Variants in NBAS observed in about 807,000 individuals in gnomAD.
NBAS encodes NBAS subunit of NRZ tethering complex.
NBAS carries 219 observed loss-of-function variants against 302.5 expected under a neutral mutation model. That is an observed-to-expected ratio of 0.72 (90% confidence interval 0.65 to 0.81). The LOEUF (loss-of-function observed/expected upper bound fraction) is 0.81, where lower values mean the gene tolerates loss of function less well. Ranked by LOEUF, NBAS falls within the 30% of genes least tolerant of loss-of-function variation. The pLI is 0.00. For missense variants in NBAS, 2,932 were observed against 2,841.6 expected (o/e 1.03, Z -0.72); for synonymous variants, 1,118 against 1,021.6 (o/e 1.09, Z -1.80).
chr2:15,284,503 G>A (rs529989273), intron 42 of NBAS, among the ~76,000 whole-genome samples: 11 of 152,140 alleles, frequency 7.2e-5, no homozygotes, highest in African/African-American at 2.2e-4. Context: ...ACACTTATTC[G>A]CAAATGTGCT....
At chr2:14,928,899 T>G in the NBAS span, among the ~76,000 whole-genome samples, 1 of 152,154 alleles carries the variant, frequency 6.6e-6, no homozygotes, top group Non-Finnish European at 1.5e-5. Context: ...TGGAGCACAA[T>G]AGAGACCTGG....
chr2:14,891,681 A>G, the NBAS span, among the ~76,000 whole-genome samples: 1 of 152,158 alleles, frequency 6.6e-6, no homozygotes, highest in African/African-American at 2.4e-5. Context: ...TAAATAGCAA[A>G]ACTATTAATA....
At chr2:15,149,052 G>T in the NBAS span, among the ~76,000 whole-genome samples, 1 of 152,196 alleles carries the variant, frequency 6.6e-6, no homozygotes, top group East Asian at 1.9e-4. Context: ...AATGACTATT[G>T]CTGTGGTTGG....
At chr2:14,879,920 C>T in the NBAS span, among the ~76,000 whole-genome samples, 1 of 152,194 alleles carries the variant, frequency 6.6e-6, no homozygotes, top group South Asian at 2.1e-4. Context: ...AGTAAAATGT[C>T]TAAGACAGGG....
the NBAS span, among the ~76,000 whole-genome samples, chr2:14,849,820 C>A: frequency 7.2e-6 from 1 of 139,672 alleles, no homozygotes; most frequent in East Asian, 2.0e-4. Context: ...ATTTCATATC[C>A]AGCCAAACTA....
At chr2:15,355,215 C>T (rs1327916849) in intron 33 of NBAS, among the ~76,000 whole-genome samples, 1 of 152,122 alleles carries the variant, frequency 6.6e-6, no homozygotes, top group Non-Finnish European at 1.5e-5. Flanking sequence ...CTAATTAATG[C>T]TTTGATAGTG....
At chr2:14,949,996 AT>A in the NBAS span, among the ~76,000 whole-genome samples, 1 of 152,204 alleles carries the variant, frequency 6.6e-6, no homozygotes, top group Non-Finnish European at 1.5e-5. Context: ...TGGAGTAACT[AT>A]AGTCTACAGT....
the NBAS span, among the ~76,000 whole-genome samples, chr2:15,113,898 C>T: frequency 2.0e-5 from 3 of 151,882 alleles, no homozygotes; most frequent in Non-Finnish European, 4.4e-5. Flanking sequence ...AATAAATAGG[C>T]ATTGAGAATT....
chr2:14,859,186 G>T, the NBAS span, among the ~76,000 whole-genome samples: 1 of 151,764 alleles, frequency 6.6e-6, no homozygotes, highest in Non-Finnish European at 1.5e-5. Flanking sequence ...AGTTGAAGAA[G>T]ATTCAAAAAT....
chr2:14,949,655 A>G, the NBAS span, among the ~76,000 whole-genome samples: 1 of 152,230 alleles, frequency 6.6e-6, no homozygotes, highest in Non-Finnish European at 1.5e-5. Flanking sequence ...ATATATATGC[A>G]TACATATATG....
chr2:15,163,403 A>G (rs1663941615), downstream of NBAS, among the ~76,000 whole-genome samples: 1 of 152,190 alleles, frequency 6.6e-6, no homozygotes, highest in Non-Finnish European at 1.5e-5. Context: ...AGCCAGTGAC[A>G]TAAACCCTGC....
chr2:15,425,683 T>G lies in NBAS; in HGVS notation c.2424-1215A>C, dbSNP rs1008965071. 2.6e-5 allele frequency among the ~76,000 whole-genome samples: 4 copies of G among 152,100 alleles called. No homozygotes were observed. The East Asian group carries it at 7.7e-4, about 29-fold the overall frequency. ...GTGTTGTTAACATTCTTCCAGGGAT[T>G]TCCCCCCAGCTCTGCCCACACGAAG... On this transcript the variant is annotated intron_variant, in intron 22 of 51. Transcript: ENST00000281513.
At chr2:15,118,167 A>G in the NBAS span, among the ~76,000 whole-genome samples, 1 of 152,208 alleles carries the variant, frequency 6.6e-6, no homozygotes, top group East Asian at 1.9e-4. Context: ...AGGCTCTAAC[A>G]GGGCTTGAAT....
the NBAS span, among the ~76,000 whole-genome samples, chr2:14,870,818 A>G: frequency 2.0e-5 from 3 of 152,186 alleles, no homozygotes; most frequent in Admixed American, 6.5e-5. Context: ...AAAATTACAC[A>G]GATAACAGAA....
intron 11 of NBAS, among the ~76,000 whole-genome samples, chr2:15,494,234 T>C (rs1680980677): frequency 6.6e-6 from 1 of 152,248 alleles, no homozygotes; most frequent in African/African-American, 2.4e-5. Context: ...AGCTGAAATT[T>C]TGGTCAAGAA....
intron 30 of NBAS, among the ~76,000 whole-genome samples, chr2:15,378,626 T>G (rs1286446498): frequency 6.6e-6 from 1 of 152,234 alleles, no homozygotes; most frequent in Non-Finnish European, 1.5e-5. Context: ...GCTAGGCTTT[T>G]AATCATCTAA....
At chr2:15,185,571 T>C (rs1042739964) in intron 50 of NBAS, among the ~76,000 whole-genome samples, 1 of 152,144 alleles carries the variant, frequency 6.6e-6, no homozygotes, top group African/African-American at 2.4e-5. Context: ...ATAGCCATGG[T>C]TCCCCCTCTC....
chr2:15,512,850 T>C (rs568777561), intron 9 of NBAS, among the ~76,000 whole-genome samples: 1 of 152,304 alleles, frequency 6.6e-6, no homozygotes, highest in Non-Finnish European at 1.5e-5. Context: ...TAAGTTTGTG[T>C]TATGTCACCA....
At chr2:14,880,238 T>C in the NBAS span, among the ~76,000 whole-genome samples, 1 of 152,166 alleles carries the variant, frequency 6.6e-6, no homozygotes, top group East Asian at 1.9e-4. Flanking sequence ...ATAGATACAT[T>C]AATTATTGCT....
Sources: gnomAD v4.1 joint callset for allele counts (sites outside exome capture counted in the v4.1 genomes callset) on GRCh38, gnomAD v4.1.1 for gene constraint, MANE v1.5 for transcripts, NCBI Gene and HGNC (gene_info 2026-07-23, HGNC 2026-07-21) for gene names.